Variants in COL5A3 observed in about 807,000 individuals in gnomAD.
COL5A3 encodes collagen alpha-3(V) chain.
COL5A3 carries 172 observed loss-of-function variants against 250.0 expected under a neutral mutation model. The ratio of observed to expected loss-of-function variants is 0.69; its 90% CI spans 0.61 to 0.78. COL5A3 has a LOEUF of 0.78. Among genes scored for constraint, COL5A3 ranks in the 30% least tolerant of loss-of-function variants. The pLI, the probability that COL5A3 is intolerant of heterozygous loss-of-function variation, is 0.00. For missense variants in COL5A3, 2,340 were observed against 2,334.4 expected (o/e 1.00, Z -0.05); for synonymous variants, 937 against 900.4 (o/e 1.04, Z -0.73).
chr19:10,008,583 C>T (rs1407213148), intron 1 of COL5A3, among the ~76,000 whole-genome samples: 1 of 152,062 alleles, frequency 6.6e-6, no homozygotes, highest in Non-Finnish European at 1.5e-5. Flanking sequence ...GCTGGGAACC[C>T]CCCAGGTGTG....
intron 41 of COL5A3, among the ~76,000 whole-genome samples, 162 bp downstream of exon 41, chr19:9,978,412 C>T (rs112832483): frequency 0.02 from 3,047 of 152,078 alleles, 58 homozygotes; most frequent in South Asian, 0.049. Context: ...TTAGTAGAGA[C>T]GGGGTTCCAC....
In COL5A3 at chr19:9,980,689, C is replaced by T. The variant is rs144444472; in HGVS notation, c.2563G>A (p.Asp855Asn). Reference protein sequence around the residue: ...GATGQPGPKGDVGQDGAPGIP... With the variant: ...GATGQPGPKGNVGQDGAPGIP... ...CCAGGGGCTCCATCCTGGCCCACAT[C>T]GCCCTAGGACAGAGTGAATGAGACT... Residue 855 changes from aspartate (D) to asparagine (N), a missense_variant, in exon 35 of 67, where the codon GAT (aspartate) becomes AAT (asparagine). Around this residue, in one of 3 missense-constraint regions of COL5A3, gnomAD observed 1,152 missense variants for 1,146.3 expected, o/e 1.00. Transcript: ENST00000264828. 9.0e-5 allele frequency: 145 copies of T among 1,614,096 alleles called. No homozygotes were observed. In the African/African-American group the frequency reaches 1.5e-3, roughly 17 times the overall value.
intron 1 of COL5A3, among the ~76,000 whole-genome samples, chr19:10,008,472 G>T (rs7260426): frequency 0.025 from 3,845 of 151,940 alleles, 159 homozygotes; most frequent in African/African-American, 0.09. Context: ...GGCCCAGCCT[G>T]CCCCCTGCCA....
At position 9,966,517 on chromosome 19, in the gene COL5A3, CG is replaced by C. The variant is rs762054437; in HGVS notation, c.4669+18del. 252 of 1,535,940 alleles carry C rather than the reference CG, an allele frequency of 1.6e-4. 4 individuals are homozygous for C. The South Asian group carries it at 2.8e-3, about 17-fold the overall frequency. On this transcript the variant is annotated intron_variant, in intron 63 of 66. Coordinates refer to ENST00000264828, the MANE Select transcript of COL5A3 (RefSeq NM_015719.4). ...ACCCCCACTCCGCCCATCCAAGTGG[CG>C]GGGGGACCGGACCTCACCATCAGGC...
intron 27 of COL5A3, among the ~76,000 whole-genome samples, chr19:9,987,260 C>A (rs554705160): frequency 6.6e-6 from 1 of 152,166 alleles, no homozygotes; most frequent in African/African-American, 2.4e-5. Flanking sequence ...AATGAAATTG[C>A]GCTTGGATAC....
intron 8 of COL5A3, 86 bp from the exon 9 acceptor site, chr19:9,998,235 C>CAA: frequency 1.1e-6 from 1 of 881,902 alleles, no homozygotes; most frequent in African/African-American, 6.1e-5. Context: ...CACACTTGCA[C>CAA]ACACACACAC....
At chr19:10,006,625 C>G (rs932849676) in intron 1 of COL5A3, among the ~76,000 whole-genome samples, 1 of 152,142 alleles carries the variant, frequency 6.6e-6, no homozygotes, top group Non-Finnish European at 1.5e-5. Context: ...CAGGGGAAAC[C>G]CACGTGGAGA....
At chr19:9,979,295 A>T in intron 38 of COL5A3, 56 bp from the exon 39 acceptor site, 1 of 1,602,084 alleles carries the variant, frequency 6.2e-7, no homozygotes, top group Non-Finnish European at 8.6e-7. Flanking sequence ...GTCGCTCAGG[A>T]GTCCAGCTTT....
At chr19:9,970,442 GGGTGAGTGGGGTCTGT>G (rs2086825039) in intron 54 of COL5A3, among the ~76,000 whole-genome samples, 164 bp downstream of exon 54, 7 of 49,926 alleles carry the variant, frequency 1.4e-4, no homozygotes, top group African/African-American at 2.1e-4. Context: ...TGGGGTCTGT[GGGTGAGTGGGGTCTGT>G]GGGTGTGTGG....
intron 30 of COL5A3, 86 bp from the exon 31 acceptor site, chr19:9,985,981 T>C: frequency 4.3e-6 from 5 of 1,157,336 alleles, no homozygotes; most frequent in African/African-American, 3.0e-5. Context: ...GCATGGTGAA[T>C]GGGCTAATGG....
chr19:9,991,686 A>G (rs759674436), intron 23 of COL5A3, 32 bp from the exon 24 acceptor site: 25 of 1,611,922 alleles, frequency 1.6e-5, no homozygotes, highest in Non-Finnish European at 2.0e-5. Context: ...GAGAGAAGGC[A>G]TAAGAAAGAA....
chr19:9,991,033 T>C (rs1294885186), intron 24 of COL5A3, among the ~76,000 whole-genome samples: 1 of 152,004 alleles, frequency 6.6e-6, no homozygotes, highest in East Asian at 1.9e-4. Flanking sequence ...AAGACCAGCC[T>C]GGGCAACACA....
intron 13 of COL5A3, 60 bp downstream of exon 13, chr19:9,996,373 T>G: frequency 1.3e-6 from 2 of 1,587,998 alleles, no homozygotes; most frequent in Non-Finnish European, 8.6e-7. Flanking sequence ...AGCCCCTCCT[T>G]ACGCCGAGGC....
intron 27 of COL5A3, among the ~76,000 whole-genome samples, chr19:9,987,956 C>T (rs1177898512): frequency 2.0e-5 from 3 of 151,880 alleles, no homozygotes; most frequent in African/African-American, 4.8e-5. Flanking sequence ...CATTTAGGGC[C>T]GGGTGTGGTG....
At chr19:9,996,823 G>A (rs2087280862) in intron 11 of COL5A3, 134 bp from the exon 12 acceptor site, 2 of 655,850 alleles carry the variant, frequency 3.0e-6, no homozygotes, top group Admixed American at 3.2e-5. Flanking sequence ...GAATCAAAGA[G>A]GGATCATGGC....
At chr19:9,970,519 T>C in intron 54 of COL5A3, 103 bp downstream of exon 54, 1 of 524,324 alleles carries the variant, frequency 1.9e-6, no homozygotes. Context: ...TGTGGGTGTG[T>C]GGGGTCTGTG....
At position 9,977,404 on chromosome 19, in the gene COL5A3, G is replaced by A. The variant is rs1325611158; in HGVS notation, c.3195C>T (p.Pro1065=). The A allele has an allele frequency of 1.9e-6, 3 of 1,548,088 alleles. No homozygotes were observed. The highest frequency in any genetic ancestry group is 2.6e-6 in the Non-Finnish European group (3 of 1,147,738). The change falls in exon 43 of 67, where the codon CCC becomes CCT. Residue 1065 remains proline, a synonymous_variant. Transcript: ENST00000264828. ...GIPGPLGPLG[P]PGAAGPSGEE... ...CGCCAGAAGGCCCAGCAGCTCCAGG[G>A]GGTCCCAGAGGCCCCAGGGGCCCTG...
At chr19:9,982,156 G>A in intron 31 of COL5A3, 38 bp from the exon 32 acceptor site, 1 of 1,456,790 alleles carries the variant, frequency 6.9e-7, no homozygotes, top group Non-Finnish European at 9.4e-7. Flanking sequence ...ATGAGGGTGA[G>A]GAGTGAGTGG....
At position 10,004,024 on chromosome 19, in the gene COL5A3, T is replaced by C. The variant is rs769037146; in HGVS notation, c.699+17A>G. ...GCCTGTGTCCTGAGATTAGGAGTCA[T>C]GGAGTCCCTCACTCACCACTGTGGC... is the stretch of plus-strand genomic sequence containing the variant. On this transcript the variant is annotated intron_variant, in intron 5 of 66. Transcript: ENST00000264828. 7.6e-6 allele frequency: 12 copies of C among 1,579,438 alleles called. No homozygotes were observed. Among genetic ancestry groups the C allele is most frequent in the Non-Finnish European group, 1.0e-5 (12 of 1,148,204 alleles).
Sources: gnomAD v4.1 joint callset for allele counts (sites outside exome capture counted in the v4.1 genomes callset) on GRCh38, gnomAD v4.1.1 for gene constraint, gnomAD v4.1.1 regional missense constraint, MANE v1.5 for transcripts, NCBI Gene and HGNC (gene_info 2026-07-23, HGNC 2026-07-21) for gene names.